The following PIP4K2A variants were observed in gnomAD, a reference collection of about 807,000 sequenced individuals.
PIP4K2A encodes the protein phosphatidylinositol 5-phosphate 4-kinase type-2 alpha.
A neutral mutation model predicts 42.9 loss-of-function variants in PIP4K2A; 14 were observed. That is an observed-to-expected ratio of 0.33 (90% confidence interval 0.22 to 0.51). The LOEUF is 0.51. Among genes scored for constraint, PIP4K2A ranks in the 20% least tolerant of loss-of-function variants. The probability of loss-of-function intolerance (pLI) is 0.97; values close to 1 mark genes in which losing one functional copy is unlikely to be tolerated. For synonymous variants in PIP4K2A, 192 were observed against 192.2 expected, an observed-to-expected ratio of 1.00 and a Z score of 0.01; for missense variants, 434 against 519.8, an observed-to-expected ratio of 0.83 and a Z score of 1.61.
intron 4 of PIP4K2A, among the ~76,000 whole-genome samples, chr10:22,575,830 C>T (rs1397814726): frequency 6.6e-6 from 1 of 151,700 alleles, no homozygotes; most frequent in Non-Finnish European, 1.5e-5. Flanking sequence ...CCCAGCTACT[C>T]GGGAGGCTGA....
intron 6 of PIP4K2A, among the ~76,000 whole-genome samples, chr10:22,562,259 T>C (rs1836727532): frequency 6.6e-6 from 1 of 152,114 alleles, no homozygotes; most frequent in South Asian, 2.1e-4. Context: ...TTTTTAAGAG[T>C]TCGGCTTGGC....
intron 1 of PIP4K2A, among the ~76,000 whole-genome samples, chr10:22,627,628 A>AAAAAAAAAAAAAAAAC (rs1838473630): frequency 8.4e-6 from 1 of 119,224 alleles, no homozygotes; most frequent in South Asian, 2.6e-4. Flanking sequence ...AAAAAAAAAA[A>AAAAAAAAAAAAAAAAC]AAAGATAAGG....
chr10:22,591,256 GGAGGTGTAAATAGATACATACTCA>G (rs1837502239), intron 4 of PIP4K2A, among the ~76,000 whole-genome samples: 1 of 152,216 alleles, frequency 6.6e-6, no homozygotes, highest in Non-Finnish European at 1.5e-5. Context: ...AATAGGATTC[GGAGGTGTAAATAGATACATACTCA>G]GAGGTCAACA....
intron 7 of PIP4K2A, among the ~76,000 whole-genome samples, chr10:22,546,815 A>T (rs1184370439): frequency 6.6e-6 from 1 of 152,184 alleles, no homozygotes; most frequent in Non-Finnish European, 1.5e-5. Flanking sequence ...GAGAAGACAG[A>T]AAGGGGGCGT....
chr10:22,673,902 G>A (rs907570120), intron 1 of PIP4K2A, among the ~76,000 whole-genome samples: 2 of 152,146 alleles, frequency 1.3e-5, no homozygotes, highest in African/African-American at 4.8e-5. Context: ...CCCTCAAACA[G>A]AATAGGTTTT....
intron 1 of PIP4K2A, among the ~76,000 whole-genome samples, chr10:22,690,697 G>T (rs1485328948): frequency 6.6e-6 from 1 of 152,154 alleles, no homozygotes; most frequent in East Asian, 1.9e-4. Flanking sequence ...CCTCTTAATA[G>T]CATGGTAAGA....
At chr10:22,543,699 CGAGATCACCTGGCT>C (rs367729818) in intron 7 of PIP4K2A, among the ~76,000 whole-genome samples, 3 of 152,312 alleles carry the variant, frequency 2.0e-5, no homozygotes, top group Non-Finnish European at 2.9e-5. Flanking sequence ...TGCACCTGGC[CGAGATCACCTGGCT>C]GGGATCATGT....
intron 3 of PIP4K2A, among the ~76,000 whole-genome samples, chr10:22,599,562 A>G (rs1428761279): frequency 1.3e-5 from 2 of 152,252 alleles, no homozygotes; most frequent in African/African-American, 4.8e-5. Context: ...CAGTGGACAC[A>G]TCACAGCCAA....
intron 6 of PIP4K2A, among the ~76,000 whole-genome samples, chr10:22,562,776 C>T (rs1836743813): frequency 6.6e-6 from 1 of 152,172 alleles, no homozygotes; most frequent in South Asian, 2.1e-4. Flanking sequence ...TCTCTGCTGA[C>T]CGTCCTTCCA....
chr10:22,690,005 T>C (rs780961453), intron 1 of PIP4K2A, among the ~76,000 whole-genome samples: 3 of 152,322 alleles, frequency 2.0e-5, no homozygotes, highest in South Asian at 2.1e-4. Flanking sequence ...AAAATCCTTA[T>C]AACTGCTTGT....
intron 7 of PIP4K2A, among the ~76,000 whole-genome samples, chr10:22,544,507 CCT>C (rs887851023): frequency 5.9e-5 from 9 of 152,178 alleles, no homozygotes; most frequent in African/African-American, 2.2e-4. Context: ...CACCTGGAAG[CCT>C]CTCTGGAGCC....
chr10:22,655,276 A>G (rs2130820352), intron 1 of PIP4K2A, among the ~76,000 whole-genome samples: 1 of 152,322 alleles, frequency 6.6e-6, no homozygotes, highest in South Asian at 2.1e-4. Context: ...AGAAAAGCTG[A>G]AGCTCTTAAC....
intron 1 of PIP4K2A, among the ~76,000 whole-genome samples, chr10:22,711,058 C>A (rs1199700149): frequency 1.3e-5 from 2 of 152,144 alleles, no homozygotes; most frequent in African/African-American, 4.8e-5. Flanking sequence ...TGCCTTAAGT[C>A]TTTTCCTTTA....
chr10:22,652,498 G>T (rs1470755634), intron 1 of PIP4K2A, among the ~76,000 whole-genome samples: 3 of 152,086 alleles, frequency 2.0e-5, no homozygotes, highest in Admixed American at 1.3e-4. Flanking sequence ...ATCTCCCTCT[G>T]CAAAGCAATG....
chr10:22,668,343 G>T (rs1312918494), intron 1 of PIP4K2A, among the ~76,000 whole-genome samples: 2 of 152,120 alleles, frequency 1.3e-5, no homozygotes, highest in Admixed American at 1.3e-4. Context: ...TTTCATCACA[G>T]ACTATCACCA....
chr10:22,604,313 C>T (rs1338476227), intron 3 of PIP4K2A, among the ~76,000 whole-genome samples: 1 of 152,038 alleles, frequency 6.6e-6, no homozygotes, highest in Non-Finnish European at 1.5e-5. Context: ...CTTAACCATG[C>T]TCTGCTTTAA....
chr10:22,656,924 G>A (rs1564457384), intron 1 of PIP4K2A, among the ~76,000 whole-genome samples: 1 of 152,086 alleles, frequency 6.6e-6, no homozygotes, highest in Non-Finnish European at 1.5e-5. Flanking sequence ...GTCAGTTTGA[G>A]TTATTTTATG....
At chr10:22,678,574 C>G (rs1460809278) in intron 1 of PIP4K2A, among the ~76,000 whole-genome samples, 2 of 152,024 alleles carry the variant, frequency 1.3e-5, no homozygotes, top group African/African-American at 2.4e-5. Context: ...GAAGGCAACC[C>G]AGCTTTATGA....
chr10:22,611,613 C>A (rs147798131), intron 1 of PIP4K2A, among the ~76,000 whole-genome samples: 1 of 152,238 alleles, frequency 6.6e-6, no homozygotes, highest in Non-Finnish European at 1.5e-5. Flanking sequence ...ACCCACTGAA[C>A]AAAAACAGGA....
Sources: gnomAD v4.1 joint callset for allele counts (sites outside exome capture counted in the v4.1 genomes callset) on GRCh38, gnomAD v4.1.1 for gene constraint, MANE v1.5 for transcripts, NCBI Gene and HGNC (gene_info 2026-07-23, HGNC 2026-07-21) for gene names.